The following NAALAD2 variants were observed in gnomAD, a reference collection of about 807,000 sequenced individuals.
NAALAD2 encodes the protein N-acetylated alpha-linked acidic dipeptidase 2.
In NAALAD2, 89 loss-of-function variants were observed where a neutral mutation model predicts 95.6. The ratio of observed to expected loss-of-function variants is 0.93; its 90% confidence interval spans 0.78 to 1.11. NAALAD2 has a LOEUF of 1.11. NAALAD2 is among the 50% of genes least tolerant of loss of function. The pLI is 0.00. For synonymous variants in NAALAD2, 264 were observed against 294.4 expected (o/e 0.90, Z 1.06); for missense variants, 894 against 872.4 (o/e 1.02, Z -0.31).
At chr11:90,147,215 C>G in intron 2 of NAALAD2, 115 bp from the exon 3 acceptor site, 1 of 811,970 alleles carries the variant, frequency 1.2e-6, no homozygotes, top group Non-Finnish European at 1.9e-6. Context: ...TTTTATCTGT[C>G]ATATAGGAAT....
In NAALAD2 at chr11:90,168,154, C is replaced by T. The variant is rs1227441310; in HGVS notation, c.1279-775C>T. 4.6e-5 allele frequency among the ~76,000 whole-genome samples: 7 copies of T among 152,022 alleles called. No individual in the cohort carries two copies. The South Asian group carries it at 1.2e-3, about 27-fold the overall frequency. On this transcript the variant is annotated intron_variant, in intron 11 of 18. Transcript: ENST00000534061. ...GAGGAAGGAACAACTCCAGATGGGC[C>T]GCCTTAAGAGTAACACTCACCGTGA...
chr11:90,175,532 ATTC>A (rs1228928768), intron 14 of NAALAD2, among the ~76,000 whole-genome samples: 14 of 152,190 alleles, frequency 9.2e-5, no homozygotes, highest in Non-Finnish European at 1.5e-4. Context: ...GCACATTTAT[ATTC>A]TTCATGATTT....
Position 90,179,966 on chromosome 11 carries a change from C to G in NAALAD2, c.1859-1654C>G, listed in dbSNP as rs750812910. Among the ~76,000 whole-genome samples the G allele has an allele frequency of 2.0e-4, 31 of 152,064 alleles. 2 individuals carry two copies. The highest frequency in any genetic ancestry group is 1.6e-4 in the Non-Finnish European group (11 of 67,960). ...TCTATTTCAAAAACATTTCTTCTGCCTGATGTGTCCCACTTTCTTCACAAT... is the reference window on the plus strand; with the variant it reads ...TCTATTTCAAAAACATTTCTTCTGCGTGATGTGTCCCACTTTCTTCACAAT... On this transcript the variant is annotated intron_variant, in intron 16 of 18. Coordinates refer to ENST00000534061, the MANE Select transcript of NAALAD2 (RefSeq NM_005467.4).
At chr11:90,135,513 T>A (rs758051115) in intron 1 of NAALAD2, 46 bp from the exon 2 acceptor site, 35 of 1,354,642 alleles carry the variant, frequency 2.6e-5, no homozygotes, top group African/African-American at 1.5e-5. Context: ...AAAGTCAAAG[T>A]GATTTTGTGT....
chr11:90,167,268 G>A (rs1419457080), intron 11 of NAALAD2, among the ~76,000 whole-genome samples: 1 of 152,188 alleles, frequency 6.6e-6, no homozygotes, highest in Non-Finnish European at 1.5e-5. Context: ...GGGCTCAGCG[G>A]GCCCGCCCTC....
intron 7 of NAALAD2, chr11:90,159,024 T>C (rs972672314): frequency 4.9e-5 from 25 of 514,714 alleles, no homozygotes; most frequent in East Asian, 3.6e-5. Flanking sequence ...TTTGCTCTCA[T>C]CACTAACATA....
At chr11:90,175,218 T>TCA in intron 14 of NAALAD2, among the ~76,000 whole-genome samples, 1 of 152,276 alleles carries the variant, frequency 6.6e-6, no homozygotes, top group Admixed American at 6.5e-5. Context: ...TGAATGTGGG[T>TCA]CCATTATAAA....
chr11:90,134,085 T>C (rs1270108301), upstream of NAALAD2, among the ~76,000 whole-genome samples: 1 of 152,162 alleles, frequency 6.6e-6, no homozygotes, highest in Non-Finnish European at 1.5e-5. Context: ...CAGTGCAAGG[T>C]CCTTTCAGTG....
chr11:90,174,031 A>T (rs1952714718), intron 14 of NAALAD2, 116 bp downstream of exon 14: 1 of 772,068 alleles, frequency 1.3e-6, no homozygotes, highest in Admixed American at 2.5e-5. Context: ...GAGCCAAGAA[A>T]AGATAATGAA....
chr11:90,134,769 C>A lies in NAALAD2; in HGVS notation c.11C>A (p.Ser4Tyr). 1 of 1,613,990 alleles carries A rather than the reference C, an allele frequency of 6.2e-7. No individual in the cohort carries two copies. Among genetic ancestry groups the A allele is most frequent in the Non-Finnish European group, 8.5e-7 (1 of 1,180,026 alleles). The change falls in exon 1 of 19, where the codon TCC becomes TAC. Residue 4 changes from serine to tyrosine, a missense_variant. Ser to Tyr is a moderately radical substitution (Grantham distance 144). Transcript: ENST00000534061. The part of the protein sequence containing the change: MAE[S>Y]RGRLYLWMCL... The stretch of plus-strand genomic sequence containing the variant: ...GGTCCTCAAGAAGCCATGGCGGAAT[C>A]CAGGGGCCGTCTGTACCTTTGGATG...
rs1951981629 is a variant in NAALAD2 at position 90,154,674 on chromosome 11, T to C, written c.796+2190T>C. On this transcript the variant is annotated intron_variant, in intron 6 of 18. Coordinates refer to ENST00000534061, the MANE Select transcript of NAALAD2 (RefSeq NM_005467.4). Reference sequence around the variant, plus strand: ...TTGGGAACCATTTCATCTTCACTTTTTTGCAAGAGTTTATAAAGAATGGGT... The same window carrying C: ...TTGGGAACCATTTCATCTTCACTTTCTTGCAAGAGTTTATAAAGAATGGGT... Among the ~76,000 whole-genome samples the C allele has an allele frequency of 2.0e-5, 3 of 151,436 alleles. No homozygotes were observed. The South Asian group carries it at 6.2e-4, about 31-fold the overall frequency.
At chr11:90,154,166 G>A (rs1951966428) in intron 6 of NAALAD2, among the ~76,000 whole-genome samples, 1 of 151,306 alleles carries the variant, frequency 6.6e-6, no homozygotes, top group Non-Finnish European at 1.5e-5. Flanking sequence ...TTTTATAGAG[G>A]TACTCCAGTA....
chr11:90,167,272 C>G (rs940774390), intron 11 of NAALAD2, among the ~76,000 whole-genome samples: 1 of 152,168 alleles, frequency 6.6e-6, no homozygotes, highest in African/African-American at 2.4e-5. Flanking sequence ...TCAGCGGGCC[C>G]GCCCTCGGAG....
In NAALAD2 at chr11:90,154,053, CTG is replaced by C. The variant is rs1426759003; in HGVS notation, c.796+1571_796+1572del. Among the ~76,000 whole-genome samples, 268 of 138,140 alleles carry C rather than the reference CTG, an allele frequency of 1.9e-3. 3 individuals carry two copies. Among genetic ancestry groups the C allele is most frequent in the African/African-American group, 6.1e-3 (241 of 39,596 alleles). 90.6% of individuals were successfully genotyped at this position (138,140 alleles called of 152,430 possible). On this transcript the variant is annotated intron_variant, in intron 6 of 18. Coordinates refer to ENST00000534061, the MANE Select transcript of NAALAD2 (RefSeq NM_005467.4). ...TTCCTCTCTCTCTCTCTCTCTCTCTCTGTCTCTCTCTCTCTTTCTTTCTTTCT... is the reference window on the plus strand; with the variant it reads ...TTCCTCTCTCTCTCTCTCTCTCTCTCTCTCTCTCTCTCTTTCTTTCTTTCT...
At chr11:90,144,133 A>G (rs1951689730) in intron 2 of NAALAD2, among the ~76,000 whole-genome samples, 1 of 152,152 alleles carries the variant, frequency 6.6e-6, no homozygotes, top group Non-Finnish European at 1.5e-5. Flanking sequence ...CAAAAATTAC[A>G]CACCAAGAAT....
At position 90,192,337 on chromosome 11, in the gene NAALAD2, T is replaced by C. The variant is rs1857354784; in HGVS notation, c.*590T>C. 6.6e-6 allele frequency: 1 copy of C among 151,950 alleles called. No homozygotes were observed. Among genetic ancestry groups the C allele is most frequent in the African/African-American group, 2.4e-5 (1 of 41,420 alleles). The allele number at this position is 151,950 out of a possible 1,614,324, so 9.4% of individuals were successfully genotyped here. A position where few individuals can be genotyped will look rare whatever the true frequency, so the allele number is the denominator to read the frequency against. On this transcript the variant is annotated 3_prime_UTR_variant, in exon 19 of 19. Coordinates refer to ENST00000534061, the MANE Select transcript of NAALAD2 (RefSeq NM_005467.4). ...ATAAATGCAATATTATTGGCAGACA[T>C]TGTTGAAGGAAAAAAGCCAGACAAA...
chr11:90,133,832 T>G (rs1951392530), upstream of NAALAD2, among the ~76,000 whole-genome samples: 1 of 151,146 alleles, frequency 6.6e-6, no homozygotes, highest in Middle Eastern at 3.2e-3. Context: ...AGAAACTCTT[T>G]TTTTTTTTGT....
chr11:90,171,775 C>A (rs1047476886), intron 13 of NAALAD2, among the ~76,000 whole-genome samples: 3 of 152,060 alleles, frequency 2.0e-5, no homozygotes, highest in African/African-American at 2.4e-5. Context: ...GGGTGAGAGA[C>A]AAGGCTGAGC....
At chr11:90,182,394 G>A (rs2134984058) in intron 17 of NAALAD2, among the ~76,000 whole-genome samples, 1 of 152,216 alleles carries the variant, frequency 6.6e-6, no homozygotes, top group Middle Eastern at 3.4e-3. Flanking sequence ...CCTTTGGATT[G>A]TAGGGGAGCC....
Sources: allele counts gnomAD v4.1 joint callset (sites outside exome capture counted in the v4.1 genomes callset), GRCh38; gene constraint gnomAD v4.1.1; transcripts MANE v1.5; gene names NCBI Gene and HGNC (gene_info 2026-07-23, HGNC 2026-07-21).